PLK3: variants seen among roughly 807,000 people sequenced by gnomAD.
PLK3 encodes the protein serine/threonine-protein kinase PLK3.
Under a neutral mutation model 71.6 loss-of-function variants are expected in PLK3, and 41 were observed. The ratio of observed to expected loss-of-function variants is 0.57; its 90% CI spans 0.45 to 0.74. The LOEUF is 0.74. Among genes scored for constraint, PLK3 ranks in the 30% least tolerant of loss-of-function variants. The pLI, the probability that PLK3 is intolerant of heterozygous loss-of-function variation, is 0.00. For missense variants in PLK3, 791 were observed against 875.6 expected (o/e 0.90, Z 1.22); for synonymous variants, 366 against 355.4 (o/e 1.03, Z -0.33).
At position 44,803,476 on chromosome 1, in the gene PLK3, C is replaced by T; in HGVS notation, c.1072+85C>T. 1 of 1,594,698 alleles carries T rather than the reference C, an allele frequency of 6.3e-7. No homozygotes were observed. The highest frequency in any genetic ancestry group is 2.2e-5 in the East Asian group (1 of 44,620). On this transcript the variant is annotated intron_variant, in intron 8 of 14. Transcript: ENST00000372201. The surrounding 1 kb of genome is among the most constrained non-coding windows in gnomAD (Gnocchi z 4.3). The stretch of plus-strand genomic sequence containing the variant: ...GTCTTGGGTGTGTGAGTGTGGGTGC[C>T]TGGAAACTCCTGGGGAGAGCATGTG...
chr1:44,803,773 T>C lies in PLK3; in HGVS notation c.1164+82T>C. 1 of 1,230,338 alleles carries C rather than the reference T, an allele frequency of 8.1e-7. No homozygotes were observed. The highest frequency in any genetic ancestry group is 1.2e-6 in the Non-Finnish European group (1 of 852,680). The allele number at this position is 1,230,338 out of a possible 1,614,324, so 76.2% of individuals were successfully genotyped here. ...GGAAGCCGGGGATAAAAGAGGCTGC[T>C]GAAGCATCCAGCCTCGTGGTGGCCT... On this transcript the variant is annotated intron_variant, in intron 9 of 14. Transcript: ENST00000372201. The surrounding 1 kb of genome is among the most constrained non-coding windows in gnomAD (Gnocchi z 4.3).
chr1:44,801,076 G>A lies in PLK3; in HGVS notation c.359G>A (p.Arg120His), dbSNP rs752096903. 4 of 1,613,400 alleles carry A rather than the reference G, an allele frequency of 2.5e-6. No individual in the cohort carries two copies. The highest frequency in any genetic ancestry group is 2.7e-5 in the African/African-American group (2 of 74,808). The change falls in exon 3 of 15, where the codon CGC becomes CAC. Residue 120 changes from arginine to histidine, a missense_variant. Coordinates refer to ENST00000372201, the MANE Select transcript of PLK3 (RefSeq NM_004073.4). ...GAGCTGCACCGAGACCTGCAGCACC[G>A]CCACATCGTGCGTTTTTCGCACCAC... ...EIELHRDLQH[R>H]HIVRFSHHFE...
Position 44,801,883 on chromosome 1 carries a change from G to T in PLK3, c.604G>T (p.Gly202Trp), listed in dbSNP as rs1367350677. 6.2e-7 allele frequency: 1 copy of T among 1,613,870 alleles called. No homozygotes were observed. Among genetic ancestry groups the T allele is most frequent in the African/African-American group, 1.3e-5 (1 of 74,940 alleles). The change falls in exon 5 of 15, where the codon GGG becomes TGG. Residue 202 changes from glycine (G) to tryptophan (W), a missense_variant. Physicochemically the swap from Gly to Trp is radical, Grantham distance 184 (BLOSUM62 -2). Coordinates refer to ENST00000372201, the MANE Select transcript of PLK3 (RefSeq NM_004073.4). ...CACTGAGAACATGGAACTGAAGGTG[G>T]GGGATTTTGGGCTGGCAGCCCGGTT... ...FITENMELKV[G>W]DFGLAARLEP...
Position 44,804,217 on chromosome 1 carries a change from T to C in PLK3, c.1313T>C (p.Leu438Pro). 1.2e-6 allele frequency: 2 copies of C among 1,613,858 alleles called. No individual in the cohort carries two copies. Among genetic ancestry groups the C allele is most frequent in the East Asian group, 2.2e-5 (1 of 44,882 alleles). ...ATVVESALCALRNCIAFMPPA... is the reference protein window; with the variant it reads ...ATVVESALCAPRNCIAFMPPA... ...GTAGTGGAGTCAGCCCTTTGTGCTCTGAGAAATTGTATAGCCTTCATGCCC... is the reference window on the plus strand; with the variant it reads ...GTAGTGGAGTCAGCCCTTTGTGCTCCGAGAAATTGTATAGCCTTCATGCCC... The change falls in exon 11 of 15, where the codon CTG (leucine) becomes CCG (proline). Residue 438 changes from leucine (L) to proline (P), a missense_variant. Transcript: ENST00000372201.
chr1:44,800,455 G>A lies in PLK3; in HGVS notation c.-9G>A. On this transcript the variant is annotated 5_prime_UTR_variant, in exon 1 of 15. Transcript: ENST00000372201. This position sits in a 1 kb window ranked among gnomAD's most constrained non-coding sequence, Gnocchi z 6.5. ...AGAAGCCGGGACCGCGCTGCGACGCGCCGGCCGCATGGAGCCTGCCGCCGG... is the reference window on the plus strand; with the variant it reads ...AGAAGCCGGGACCGCGCTGCGACGCACCGGCCGCATGGAGCCTGCCGCCGG... The A allele has an allele frequency of 1.5e-6, 2 of 1,352,718 alleles. No homozygotes were observed. The highest frequency in any genetic ancestry group is 1.8e-5 in the South Asian group (1 of 56,392). The allele number at this position is 1,352,718 out of a possible 1,614,324, so 83.8% of individuals were successfully genotyped here.
At chr1:44,805,118 T>TAAAC in intron 13 of PLK3, 148 bp from the exon 14 acceptor site, 1 of 602,666 alleles carries the variant, frequency 1.7e-6, no homozygotes, top group Non-Finnish European at 2.9e-6. Flanking sequence ...AAAAAAAAAA[T>TAAAC]AAAGAAAAGA....
chr1:44,804,695 C>G lies in PLK3; in HGVS notation c.1551C>G (p.Ser517=). ...CCAGCACAAAGCACTTCTCCTTCTC[C>G]GTGGGTGCTGTGCCCCGGGCCCTGC... ...NPTSTKHFSF[S]VGAVPRALQP... Residue 517 remains serine, a synonymous_variant, in exon 13 of 15, where the codon TCC becomes TCG. Coordinates refer to ENST00000372201, the MANE Select transcript of PLK3 (RefSeq NM_004073.4). 6.2e-7 allele frequency: 1 copy of G among 1,614,048 alleles called. No homozygotes were observed. The highest frequency in any genetic ancestry group is 8.5e-7 in the Non-Finnish European group (1 of 1,179,930).
intron 5 of PLK3, among the ~76,000 whole-genome samples, chr1:44,802,308 G>A (rs555834617): frequency 6.6e-6 from 1 of 152,202 alleles, no homozygotes; most frequent in African/African-American, 2.4e-5. Context: ...TGACATTGTG[G>A]GTGTAAGAAG....
rs766987613 is a variant in PLK3 at position 44,803,103 on chromosome 1, C to T, written c.898C>T (p.Arg300Ter). The T allele has an allele frequency of 3.7e-6, 6 of 1,613,918 alleles. No homozygotes were observed. The highest frequency in any genetic ancestry group is 1.3e-5 in the African/African-American group (1 of 75,024). The change falls in exon 7 of 15, where the codon CGA (arginine) becomes TGA (stop). Residue 300 changes from arginine (R) to a stop codon, truncating the protein, a stop_gained. Transcript: ENST00000372201. LOFTEE classifies it high-confidence loss of function. This position sits in a 1 kb window ranked among gnomAD's most constrained non-coding sequence, Gnocchi z 4.3. The stretch of plus-strand genomic sequence containing the variant: ...GGCCGCCATCCTTCGGGCCTCACCC[C>T]GAGACCGCCCCTCTATTGACCAGAT... ...LLAAILRASPRDRPSIDQILR... is the reference protein window; with the variant it reads ...LLAAILRASP
rs762483959 is a variant in PLK3 at position 44,803,043 on chromosome 1, C to A, written c.838C>A (p.Pro280Thr). The A allele has an allele frequency of 1.2e-5, 19 of 1,613,992 alleles. No homozygotes were observed. Among genetic ancestry groups the A allele is most frequent in the Non-Finnish European group, 1.6e-5 (19 of 1,179,986 alleles). Residue 280 changes from proline to threonine, a missense_variant, in exon 7 of 15, where the codon CCT becomes ACT. Physicochemically the swap from Pro to Thr is conservative, Grantham distance 38 (BLOSUM62 -1). Coordinates refer to ENST00000372201, the MANE Select transcript of PLK3 (RefSeq NM_004073.4). The surrounding 1 kb of genome is among the most constrained non-coding windows in gnomAD (Gnocchi z 4.3). ...RCIKQVHYTLPASLSLPARQL... is the reference protein window; with the variant it reads ...RCIKQVHYTLTASLSLPARQL... ...CATCAAGCAGGTTCACTACACGCTGCCTGCCAGCCTCTCACTGCCTGCCCG... is the reference window on the plus strand; with the variant it reads ...CATCAAGCAGGTTCACTACACGCTGACTGCCAGCCTCTCACTGCCTGCCCG...
In PLK3 at chr1:44,800,871, A is replaced by G. The variant is rs779741274; in HGVS notation, c.242A>G (p.Asp81Gly). Residue 81 changes from aspartate to glycine, a missense_variant, in exon 2 of 15, where the codon GAC becomes GGC. Transcript: ENST00000372201. The surrounding 1 kb of genome is among the most constrained non-coding windows in gnomAD (Gnocchi z 6.5). ...GGFARCYEAT[D>G]TETGSAYAVK... is the part of the protein sequence containing the mutation. ...TTCGCCCGCTGCTACGAGGCCACTGACACAGAGACTGGCAGCGCCTACGCT... is the reference window on the plus strand; with the variant it reads ...TTCGCCCGCTGCTACGAGGCCACTGGCACAGAGACTGGCAGCGCCTACGCT... 6.2e-7 allele frequency: 1 copy of G among 1,611,676 alleles called. No homozygotes were observed. Among genetic ancestry groups the G allele is most frequent in the East Asian group, 2.2e-5 (1 of 44,850 alleles).
intron 13 of PLK3, chr1:44,804,989 C>G: frequency 1.7e-6 from 1 of 589,238 alleles, no homozygotes; most frequent in East Asian, 3.0e-5. Context: ...CCTGTAGTCC[C>G]AGCTACTCGG....
At chr1:44,804,589 G>T (rs1651946826) in intron 12 of PLK3, 61 bp from the exon 13 acceptor site, 2 of 1,604,300 alleles carry the variant, frequency 1.2e-6, no homozygotes, top group South Asian at 2.2e-5. Flanking sequence ...CAGGGGTCTG[G>T]GTTTCTCAGA....
rs1326824939 is a variant in PLK3 at position 44,804,349 on chromosome 1, C to T, written c.1353C>T (p.Asn451=). 6.2e-7 allele frequency: 1 copy of T among 1,614,094 alleles called. No individual in the cohort carries two copies. The highest frequency in any genetic ancestry group is 1.7e-5 in the Admixed American group (1 of 60,020). The change falls in exon 12 of 15, where the codon AAC becomes AAT. Residue 451 remains asparagine, a synonymous_variant. Transcript: ENST00000372201. ...CIAFMPPAEQ[N]PAPLAQPEPL... The stretch of plus-strand genomic sequence containing the variant: ...CCTCTCCCATGACAGCGGAACAGAA[C>T]CCGGCCCCCCTGGCCCAGCCAGAGC...
chr1:44,801,761 C>T lies in PLK3; in HGVS notation c.565+10C>T, dbSNP rs1651839581. On this transcript the variant is annotated intron_variant, in intron 4 of 14. Coordinates refer to ENST00000372201, the MANE Select transcript of PLK3 (RefSeq NM_004073.4). ...CGGGACCTCAAGTTGGGTGAGACTCCTGAGCCTGGAGGATGGGAGGTTGGG... is the reference window on the plus strand; with the variant it reads ...CGGGACCTCAAGTTGGGTGAGACTCTTGAGCCTGGAGGATGGGAGGTTGGG... The T allele has an allele frequency of 7.7e-7, 1 of 1,293,256 alleles. No individual in the cohort carries two copies. The highest frequency in any genetic ancestry group is 2.0e-5 in the Admixed American group (1 of 50,262). 80.1% of individuals were successfully genotyped at this position (1,293,256 alleles called of 1,614,324 possible). A position where few individuals can be genotyped will look rare whatever the true frequency, so the allele number is the denominator to read the frequency against.
intron 13 of PLK3, 99 bp from the exon 14 acceptor site, chr1:44,805,167 G>A (rs1651982830): frequency 5.1e-6 from 4 of 783,326 alleles, no homozygotes; most frequent in Non-Finnish European, 6.8e-6. Flanking sequence ...CCCCCTTGGT[G>A]GTGGTTGGGG....
At chr1:44,805,118 T>TAAAG (rs34617431) in intron 13 of PLK3, 148 bp from the exon 14 acceptor site, 90,447 of 601,366 alleles carry the variant, frequency 0.15, 4,350 homozygotes, top group East Asian at 0.18. Context: ...AAAAAAAAAA[T>TAAAG]AAAGAAAAGA....
chr1:44,801,401 G>C (rs925776081), intron 3 of PLK3, among the ~76,000 whole-genome samples: 1 of 151,930 alleles, frequency 6.6e-6, no homozygotes, highest in Non-Finnish European at 1.5e-5. Context: ...GTAGAGACAG[G>C]GTTTCACCCT....
intron 6 of PLK3, 25 bp downstream of exon 6, chr1:44,802,880 C>T: frequency 6.2e-7 from 1 of 1,608,964 alleles, no homozygotes; most frequent in Non-Finnish European, 8.5e-7. Context: ...CCAGGTTCAG[C>T]AGCAGACAGG....
Sources: allele counts gnomAD v4.1 joint callset (sites outside exome capture counted in the v4.1 genomes callset), GRCh38; gene constraint gnomAD v4.1.1; non-coding constraint Gnocchi (gnomAD v3.1); transcripts MANE v1.5; gene names NCBI Gene and HGNC (gene_info 2026-07-23, HGNC 2026-07-21).